The following NPAS3 variants were observed in gnomAD, a reference collection of about 807,000 sequenced individuals.
The protein encoded by NPAS3 is neuronal PAS domain protein 3.
NPAS3 carries 14 observed loss-of-function variants against 73.1 expected under a neutral mutation model. The ratio of observed to expected loss-of-function variants is 0.19; its 90% CI spans 0.13 to 0.30. The LOEUF is 0.30. Among genes scored for constraint, NPAS3 ranks in the 10% least tolerant of loss-of-function variants. The pLI, the probability that NPAS3 is intolerant of heterozygous loss-of-function variation, is 1.00. For synonymous variants in NPAS3, 620 were observed against 541.5 expected (o/e 1.14, Z -2.01); for missense variants, 1,096 against 1,250.0 (o/e 0.88, Z 1.86).
At chr14:33,492,337 A>G (rs886258614) in intron 4 of NPAS3, among the ~76,000 whole-genome samples, 2 of 152,174 alleles carry the variant, frequency 1.3e-5, no homozygotes, top group Admixed American at 6.6e-5. Flanking sequence ...AAGTTGACAC[A>G]CAATCAAGCC....
chr14:33,491,899 G>T (rs1228494381), intron 4 of NPAS3, among the ~76,000 whole-genome samples: 1 of 152,124 alleles, frequency 6.6e-6, no homozygotes, highest in Non-Finnish European at 1.5e-5. Context: ...ATAGCCAAAT[G>T]TATGGTATGT....
intron 3 of NPAS3, among the ~76,000 whole-genome samples, chr14:33,254,868 G>C (rs1169864854): frequency 6.6e-6 from 1 of 151,880 alleles, no homozygotes; most frequent in Non-Finnish European, 1.5e-5. Flanking sequence ...CTTAATCTTG[G>C]GTATAAGTCA....
At chr14:33,734,062 T>A (rs1348478979) in intron 6 of NPAS3, among the ~76,000 whole-genome samples, 1 of 152,204 alleles carries the variant, frequency 6.6e-6, no homozygotes, top group Non-Finnish European at 1.5e-5. Flanking sequence ...TTTGCCCATT[T>A]TTTTCTCTTG....
chr14:33,089,802 G>A (rs535223500), intron 2 of NPAS3, among the ~76,000 whole-genome samples: 37 of 152,214 alleles, frequency 2.4e-4, no homozygotes, highest in Non-Finnish European at 4.6e-4. Flanking sequence ...CAGATCTCTC[G>A]GCAGAAACTC....
chr14:33,630,726 A>T (rs1420511552), intron 5 of NPAS3, among the ~76,000 whole-genome samples: 1 of 152,168 alleles, frequency 6.6e-6, no homozygotes, highest in Non-Finnish European at 1.5e-5. Flanking sequence ...GAATCAATAT[A>T]TGCCCCCCCA....
intron 3 of NPAS3, among the ~76,000 whole-genome samples, chr14:33,225,468 G>A (rs149118994): frequency 2.0e-5 from 3 of 152,258 alleles, no homozygotes; most frequent in African/African-American, 4.8e-5. Flanking sequence ...GTCAGCCAAC[G>A]TTTTCTGTAA....
At chr14:33,200,565 A>G (rs2046576139) in intron 2 of NPAS3, among the ~76,000 whole-genome samples, 1 of 141,288 alleles carries the variant, frequency 7.1e-6, no homozygotes, top group Non-Finnish European at 1.7e-5. Context: ...TATTATTGGC[A>G]CTAAACCACA....
intron 2 of NPAS3, among the ~76,000 whole-genome samples, chr14:33,112,620 T>C (rs1015341911): frequency 1.3e-5 from 2 of 152,208 alleles, no homozygotes; most frequent in East Asian, 1.9e-4. Flanking sequence ...GTAGGTTTCC[T>C]GTTCACTCTG....
chr14:33,044,654 G>GTTTTT (rs11408612), intron 1 of NPAS3, among the ~76,000 whole-genome samples: 1 of 138,540 alleles, frequency 7.2e-6, no homozygotes, highest in African/African-American at 2.7e-5. Flanking sequence ...GAGTTAGTTT[G>GTTTTT]TTTTTTTTTT....
At chr14:33,090,286 A>G (rs1388405615) in intron 2 of NPAS3, among the ~76,000 whole-genome samples, 2 of 116,162 alleles carry the variant, frequency 1.7e-5, no homozygotes, top group East Asian at 2.6e-4. Flanking sequence ...TAGGCTCAAA[A>G]TAAAGGATGG....
At chr14:32,976,225 G>T (rs950020752) in intron 1 of NPAS3, among the ~76,000 whole-genome samples, 8 of 152,130 alleles carry the variant, frequency 5.3e-5, no homozygotes, top group African/African-American at 1.9e-4. Context: ...AGTGAGCGAG[G>T]TGGTGGGGAC....
intron 1 of NPAS3, among the ~76,000 whole-genome samples, chr14:32,946,519 G>T (rs1430325360): frequency 6.6e-6 from 1 of 152,144 alleles, no homozygotes; most frequent in African/African-American, 2.4e-5. Flanking sequence ...AGCGTGTGAT[G>T]TGGGTGTTCA....
chr14:33,351,053 C>T (rs1038970114), intron 3 of NPAS3, among the ~76,000 whole-genome samples: 3 of 152,164 alleles, frequency 2.0e-5, no homozygotes, highest in African/African-American at 7.2e-5. Context: ...ACAAGCTTGC[C>T]AAGCTCAGTG....
intron 9 of NPAS3, among the ~76,000 whole-genome samples, chr14:33,791,842 A>C (rs1367027500): frequency 6.6e-6 from 1 of 152,182 alleles, no homozygotes; most frequent in Non-Finnish European, 1.5e-5. Flanking sequence ...TGTATTCTTC[A>C]TGTGATTCTA....
rs368216029 is a variant in NPAS3, at chr14:33,454,903, C to T, written c.468+87635C>T. Among the ~76,000 whole-genome samples the T allele has an allele frequency of 2.2e-4, 34 of 152,258 alleles. No homozygotes were observed. In the East Asian group the frequency reaches 5.0e-3, roughly 23 times the overall value. On this transcript the variant is annotated intron_variant, in intron 4 of 11. Transcript: ENST00000356141. ...GCCTTTAACAGGTGAGGAGAGGCAGCGTGCCCCCGGCTGAGTGAGTGGCCT... is the reference window on the plus strand; with the variant it reads ...GCCTTTAACAGGTGAGGAGAGGCAGTGTGCCCCCGGCTGAGTGAGTGGCCT...
chr14:33,261,467 C>A (rs1268704427), intron 3 of NPAS3, among the ~76,000 whole-genome samples: 1 of 152,012 alleles, frequency 6.6e-6, no homozygotes, highest in Non-Finnish European at 1.5e-5. Flanking sequence ...ATCCATTGTA[C>A]ATATATTTAA....
chr14:33,173,312 TATA>T (rs2045464739), intron 2 of NPAS3, among the ~76,000 whole-genome samples: 1 of 152,204 alleles, frequency 6.6e-6, no homozygotes. Context: ...GTGATGCCAC[TATA>T]ATATTAATGA....
intron 1 of NPAS3, among the ~76,000 whole-genome samples, chr14:32,975,860 C>CGTGTGTGTGT (rs71118522): frequency 1.4e-5 from 2 of 145,636 alleles, no homozygotes; most frequent in African/African-American, 5.1e-5. Flanking sequence ...TGGTGAGGGG[C>CGTGTGTGTGT]GTGTGTGTGT....
intron 2 of NPAS3, among the ~76,000 whole-genome samples, chr14:33,195,609 C>T (rs752121186): frequency 1.2e-4 from 19 of 152,162 alleles, no homozygotes; most frequent in Non-Finnish European, 1.9e-4. Context: ...AGAGCTGTAA[C>T]CTTTGTATAA....
Sources: gnomAD v4.1 joint callset for allele counts (sites outside exome capture counted in the v4.1 genomes callset) on GRCh38, gnomAD v4.1.1 for gene constraint, MANE v1.5 for transcripts, NCBI Gene and HGNC (gene_info 2026-07-23, HGNC 2026-07-21) for gene names.